Variants in PCDH9 observed in about 807,000 individuals in gnomAD.
The protein encoded by PCDH9 is protocadherin 9.
In PCDH9, 24 loss-of-function variants were observed where a neutral mutation model predicts 70.6. The observed-to-expected ratio is 0.34, with a 90% CI of 0.25 to 0.48. PCDH9 has a LOEUF of 0.48. Among genes scored for constraint, PCDH9 ranks in the 20% least tolerant of loss-of-function variants. The pLI is 0.99. For missense variants in PCDH9, 1,281 were observed against 1,503.6 expected (o/e 0.85, Z 2.45); for synonymous variants, 562 against 558.5 (o/e 1.01, Z -0.09).
chr13:67,104,336 C>T (rs2086492355), intron 2 of PCDH9, among the ~76,000 whole-genome samples: 1 of 152,078 alleles, frequency 6.6e-6, no homozygotes, highest in African/African-American at 2.4e-5. Flanking sequence ...TTTTAAAGGG[C>T]TCTTAGACAC....
intron 2 of PCDH9, among the ~76,000 whole-genome samples, chr13:66,956,987 AG>A (rs532842300): frequency 2.9e-3 from 447 of 152,272 alleles, no homozygotes; most frequent in African/African-American, 9.8e-3. Context: ...ATATTTTCAC[AG>A]GGGCTACTCT....
chr13:66,514,537 G>A (rs993924750), intron 4 of PCDH9, among the ~76,000 whole-genome samples: 1 of 151,090 alleles, frequency 6.6e-6, no homozygotes, highest in Non-Finnish European at 1.5e-5. Context: ...CTGAGTGTAA[G>A]TAGGAGATGC....
chr13:66,343,635 G>T (rs532697272), intron 4 of PCDH9, among the ~76,000 whole-genome samples: 163 of 152,286 alleles, frequency 1.1e-3, no homozygotes, highest in East Asian at 3.9e-4. Flanking sequence ...AAATATATCT[G>T]CGTGTAAGCA....
At chr13:66,315,142 G>A (rs189781570) in intron 4 of PCDH9, among the ~76,000 whole-genome samples, 46 of 152,208 alleles carry the variant, frequency 3.0e-4, no homozygotes, top group Non-Finnish European at 5.4e-4. Flanking sequence ...TGGGCAGCTC[G>A]CACACAACAG....
rs61955831 is a variant in PCDH9 at position 66,329,589 on chromosome 13, C to T, written c.3341-24561G>A. Among the ~76,000 whole-genome samples, 156 of 152,188 alleles carry T rather than the reference C, an allele frequency of 1.0e-3. 1 individual carries two copies. The highest frequency in any genetic ancestry group is 1.9e-3 in the Non-Finnish European group (129 of 68,018). ...ATGAAGAACAATATGGCTCATGGTG[C>T]TCTCTAACATCTTTCCCTGTGGCTA... On this transcript the variant is annotated intron_variant, in intron 4 of 4. Coordinates refer to ENST00000377865, the MANE Select transcript of PCDH9 (RefSeq NM_203487.3).
chr13:66,634,910 G>A (rs1397701908), intron 3 of PCDH9, among the ~76,000 whole-genome samples: 3 of 152,092 alleles, frequency 2.0e-5, no homozygotes, highest in Non-Finnish European at 4.4e-5. Flanking sequence ...AGGTGACGCA[G>A]CTCTTAGTGT....
At chr13:67,106,112 G>T (rs924120328) in intron 2 of PCDH9, among the ~76,000 whole-genome samples, 5 of 151,966 alleles carry the variant, frequency 3.3e-5, no homozygotes, top group African/African-American at 1.2e-4. Context: ...AGAATTAAGG[G>T]ACATTAAGTA....
At chr13:66,867,284 G>A (rs187170597) in intron 3 of PCDH9, among the ~76,000 whole-genome samples, 1 of 152,026 alleles carries the variant, frequency 6.6e-6, no homozygotes, top group Non-Finnish European at 1.5e-5. Flanking sequence ...GATTATTAAT[G>A]TTCTCTCTGG....
chr13:67,039,032 C>T (rs2085061747), intron 2 of PCDH9, among the ~76,000 whole-genome samples: 1 of 152,110 alleles, frequency 6.6e-6, no homozygotes, highest in African/African-American at 2.4e-5. Flanking sequence ...TATATTATGC[C>T]TATGTGACAA....
At chr13:66,833,104 A>T (rs566044715) in intron 3 of PCDH9, among the ~76,000 whole-genome samples, 1 of 152,140 alleles carries the variant, frequency 6.6e-6, no homozygotes, top group South Asian at 2.1e-4. Flanking sequence ...GTAGCCAACA[A>T]GTATTTACCC....
At chr13:66,397,646 A>C (rs1446945660) in intron 4 of PCDH9, among the ~76,000 whole-genome samples, 1 of 151,516 alleles carries the variant, frequency 6.6e-6, no homozygotes. Context: ...ATATACACAA[A>C]ATATATGTAC....
intron 3 of PCDH9, among the ~76,000 whole-genome samples, chr13:66,755,012 C>T (rs2079518540): frequency 6.6e-6 from 1 of 152,094 alleles, no homozygotes; most frequent in Non-Finnish European, 1.5e-5. Context: ...ACTTATCTCA[C>T]ATTACTCAGC....
intron 4 of PCDH9, among the ~76,000 whole-genome samples, chr13:66,553,178 A>G (rs892633428): frequency 6.6e-6 from 1 of 152,162 alleles, no homozygotes; most frequent in African/African-American, 2.4e-5. Flanking sequence ...AGAACATTCA[A>G]TTCCAAAACA....
chr13:66,884,588 C>T (rs2081976896), intron 3 of PCDH9, among the ~76,000 whole-genome samples: 1 of 152,140 alleles, frequency 6.6e-6, no homozygotes, highest in South Asian at 2.1e-4. Flanking sequence ...CAAAGCAAGA[C>T]TGGCTTTCCT....
chr13:66,755,169 A>G (rs1418565230), intron 3 of PCDH9, among the ~76,000 whole-genome samples: 1 of 148,892 alleles, frequency 6.7e-6, no homozygotes, highest in Admixed American at 6.7e-5. Flanking sequence ...TGCAGTATAA[A>G]AGATCATATT....
chr13:67,110,243 G>T (rs570187335), intron 2 of PCDH9, among the ~76,000 whole-genome samples: 27 of 151,938 alleles, frequency 1.8e-4, no homozygotes, highest in African/African-American at 6.5e-4. Context: ...GAGAGATACG[G>T]CCGGGTGCAG....
chr13:66,306,741 A>G (rs1181933900), intron 4 of PCDH9, among the ~76,000 whole-genome samples: 1 of 151,922 alleles, frequency 6.6e-6, no homozygotes, highest in Non-Finnish European at 1.5e-5. Flanking sequence ...ACACATATTC[A>G]TTACTTAAAA....
At chr13:66,940,885 A>T (rs1034721698) in intron 2 of PCDH9, among the ~76,000 whole-genome samples, 1 of 151,932 alleles carries the variant, frequency 6.6e-6, no homozygotes, top group African/African-American at 2.4e-5. Context: ...GCTGCTGTGG[A>T]GGTGTTTTCC....
At chr13:66,566,062 G>A (rs550745044) in intron 4 of PCDH9, among the ~76,000 whole-genome samples, 7 of 152,256 alleles carry the variant, frequency 4.6e-5, no homozygotes, top group African/African-American at 1.4e-4. Context: ...GGGAGTCCCA[G>A]GATCATGCCA....
Sources: gnomAD v4.1 joint callset for allele counts (sites outside exome capture counted in the v4.1 genomes callset) on GRCh38, gnomAD v4.1.1 for gene constraint, MANE v1.5 for transcripts, NCBI Gene and HGNC (gene_info 2026-07-23, HGNC 2026-07-21) for gene names.